The following IDS variants were observed in gnomAD, a reference collection of about 807,000 sequenced individuals.
IDS encodes the protein alpha-L-iduronate sulfate sulfatase.
In IDS, 1 loss-of-function variant was observed where a neutral mutation model predicts 33.5. That is an observed-to-expected ratio of 0.03 (90% confidence interval 0.01 to 0.14). The LOEUF (loss-of-function observed/expected upper bound fraction) is 0.14. Ranked by LOEUF, IDS falls within the 10% of genes least tolerant of loss-of-function variation. IDS has a pLI of 1.00. For missense variants in IDS, 328 were observed against 448.0 expected (o/e 0.73, Z 2.42); for synonymous variants, 191 against 184.4 (o/e 1.04, Z -0.29).
chrX:149,487,347 C>T (rs1557338220), intron 7 of IDS: 2 of 1,053,026 alleles, frequency 1.9e-6, no homozygotes, highest in African/African-American at 1.8e-5. Flanking sequence ...AATTCCCAAA[C>T]TCAAATATCT....
At position 149,480,355 on chromosome X, in the gene IDS, A is replaced by G. The variant is rs1329459759; in HGVS notation, c.*2391T>C. 14 of 295,573 alleles carry G rather than the reference A, an allele frequency of 4.7e-5. No individual in the cohort carries two copies. In the Admixed American group the frequency reaches 8.0e-4, roughly 17 times the overall value. 24.4% of individuals were successfully genotyped at this position (295,573 alleles called of 1,213,427 possible). On this transcript the variant is annotated 3_prime_UTR_variant, in exon 9 of 9. Transcript: ENST00000340855. ...GAGGAAGGGGCTGATTGCCTTTGTG[A>G]CCTCACTACCAAACATACTTTGCTC...
rs1316695847 is a variant in IDS at position 149,482,009 on chromosome X, AT to A, written c.*736del. 1 of 112,565 alleles carries A rather than the reference AT, an allele frequency of 8.9e-6. No homozygotes were observed. The highest frequency in any genetic ancestry group is 2.8e-4 in the East Asian group (1 of 3,614). The allele number at this position is 112,565 out of a possible 1,213,427, so 9.3% of individuals were successfully genotyped here. A position where few individuals can be genotyped will look rare whatever the true frequency, so the allele number is the denominator to read the frequency against. Reference sequence around the variant, plus strand: ...GGGTCATATTATTTGCTAACAAATTATTATTTGGGCCAGAAAGTATCTGAAA... The same window carrying A: ...GGGTCATATTATTTGCTAACAAATTATATTTGGGCCAGAAAGTATCTGAAA... On this transcript the variant is annotated 3_prime_UTR_variant, in exon 9 of 9. Coordinates refer to ENST00000340855, the MANE Select transcript of IDS (RefSeq NM_000202.8).
At position 149,490,389 on chromosome X, in the gene IDS, C is replaced by T; in HGVS notation, c.931G>A (p.Val311Ile). The T allele has an allele frequency of 1.7e-6, 2 of 1,210,159 alleles. No individual in the cohort carries two copies. Among genetic ancestry groups the T allele is most frequent in the Non-Finnish European group, 2.2e-6 (2 of 893,906 alleles). The change falls in exon 7 of 9, where the codon GTC becomes ATC. Residue 311 changes from valine (V) to isoleucine (I), a missense_variant. By Grantham distance (29) the Val-to-Ile change is conservative (BLOSUM62 3). Around this residue, in one of 4 missense-constraint regions of IDS, gnomAD observed 265 missense variants for 339.2 expected, o/e 0.78. Coordinates refer to ENST00000340855, the MANE Select transcript of IDS (RefSeq NM_000202.8). ...FASVSYLDTQ[V>I]GRLLSALDDL... Reference sequence around the variant, plus strand: ...TCCAAAGCACTCAAGAGGCGGCCGACCTGTGTATCCAAATATGACACAGAG... The same window carrying T: ...TCCAAAGCACTCAAGAGGCGGCCGATCTGTGTATCCAAATATGACACAGAG...
intron 1 of IDS, among the ~76,000 whole-genome samples, chrX:149,504,507 A>G (rs2089507727): frequency 9.0e-6 from 1 of 111,690 alleles, no homozygotes; most frequent in South Asian, 3.7e-4. Context: ...CATGGCCTCC[A>G]ACCTGGGTGA....
chrX:149,484,605 C>A (rs901779398), intron 8 of IDS, among the ~76,000 whole-genome samples: 7 of 112,901 alleles, frequency 6.2e-5, no homozygotes, highest in Non-Finnish European at 9.4e-5. Flanking sequence ...CTGGCGTGAG[C>A]CACCACGCCC....
At position 149,486,963 on chromosome X, in the gene IDS, AG is replaced by A. The variant is rs781973617; in HGVS notation, c.1141del (p.Leu381SerfsTer10). ...PEAGEKLFPYLDPFDSASQLM... is the reference protein window; with the variant it reads ...PEAGEKLFPYXDPFDSASQLM... ...CTGTGAGGCGGAATCAAAAGGGTCG[AG>A]GTAAGGGAAAAGCTTCTCGCCTGCC... On this transcript the variant is annotated frameshift_variant, in exon 8 of 9. Transcript: ENST00000340855. LOFTEE classifies it high-confidence loss of function. 8.3e-7 allele frequency: 1 copy of A among 1,211,979 alleles called. No individual in the cohort carries two copies. The highest frequency in any genetic ancestry group is 1.1e-6 in the Non-Finnish European group (1 of 895,541).
chrX:149,487,117 A>G lies in IDS; in HGVS notation c.1007-19T>C. 1.7e-6 allele frequency: 2 copies of G among 1,211,109 alleles called. No individual in the cohort carries two copies. The highest frequency in any genetic ancestry group is 1.8e-5 in the South Asian group (1 of 56,968). On this transcript the variant is annotated intron_variant, in intron 7 of 8. Coordinates refer to ENST00000340855, the MANE Select transcript of IDS (RefSeq NM_000202.8). ...GCCCACCCTAGTTCATAAAAAGCAC[A>G]GAATGACAGAAAATGAATAATCATC... is the stretch of plus-strand genomic sequence containing the variant.
intron 7 of IDS, 165 bp from the exon 8 acceptor site, chrX:149,487,263 C>T (rs782480447): frequency 1.7e-6 from 2 of 1,207,574 alleles, no homozygotes; most frequent in Non-Finnish European, 2.2e-6. Flanking sequence ...AGGGTTATTT[C>T]AACTGAATGC....
In IDS at chrX:149,500,943, C is replaced by A. The variant is rs370769925; in HGVS notation, c.507+6G>T. 76 of 1,125,775 alleles carry A rather than the reference C, an allele frequency of 6.8e-5. No homozygotes were observed. The highest frequency in any genetic ancestry group is 9.0e-5 in the African/African-American group (5 of 55,456). The allele number at this position is 1,125,775 out of a possible 1,213,427, so 92.8% of individuals were successfully genotyped here. A position where few individuals can be genotyped will look rare whatever the true frequency, so the allele number is the denominator to read the frequency against. On this transcript the variant is annotated splice_donor_region_variant and intron_variant, in intron 4 of 8. Transcript: ENST00000340855. ...CTCTTCAGAAATGTCCCTTTCACAG[C>A]CTTACCTTAGTGTTTTCATACTTCT...
intron 6 of IDS, among the ~76,000 whole-genome samples, chrX:149,493,581 G>A (rs926947479): frequency 3.6e-5 from 4 of 111,337 alleles, no homozygotes; most frequent in Non-Finnish European, 7.5e-5. Context: ...TGGATGGAGA[G>A]GCTGCAGGGT....
rs2089513089 is a variant in IDS at position 149,504,973 on chromosome X, G to A, written c.103+62C>T. On this transcript the variant is annotated intron_variant, in intron 1 of 8. Coordinates refer to ENST00000340855, the MANE Select transcript of IDS (RefSeq NM_000202.8). The stretch of plus-strand genomic sequence containing the variant: ...TATAAACAAAGAAGGAAGGAAAGAA[G>A]GAAGGAGGAAGGAAGGGAGGGAGGA... 4.8e-6 allele frequency: 4 copies of A among 830,439 alleles called. No homozygotes were observed. In the South Asian group the frequency reaches 8.5e-5, roughly 18 times the overall value. The allele number at this position is 830,439 out of a possible 1,213,427, so 68.4% of individuals were successfully genotyped here. A position where few individuals can be genotyped will look rare whatever the true frequency, so the allele number is the denominator to read the frequency against.
At chrX:149,491,622 T>C (rs1557338737) in intron 6 of IDS, 2 of 1,003,416 alleles carry the variant, frequency 2.0e-6, no homozygotes, top group African/African-American at 3.9e-5. Context: ...TTATACTTTC[T>C]GGTAGATGAA....
intron 4 of IDS, among the ~76,000 whole-genome samples, chrX:149,499,685 A>C (rs782361019): frequency 9.0e-6 from 1 of 111,147 alleles, no homozygotes; most frequent in Non-Finnish European, 1.9e-5. Context: ...TATACTTCAA[A>C]AGGGAGAGTT....
At chrX:149,498,961 G>C (rs10779253) in intron 4 of IDS, among the ~76,000 whole-genome samples, 21,820 of 111,644 alleles carry the variant, frequency 0.2, 1,676 homozygotes, top group African/African-American at 0.22. Flanking sequence ...AAAATGTCGA[G>C]GGCAGCATTA....
chrX:149,504,904 T>G, intron 1 of IDS, 131 bp downstream of exon 1: 3 of 462,265 alleles, frequency 6.5e-6, no homozygotes, highest in South Asian at 3.9e-5. Flanking sequence ...GAATGATGGA[T>G]GAAAGAAGGA....
At position 149,502,727 on chromosome X, in the gene IDS, C is replaced by G. The variant is rs782686030; in HGVS notation, c.418+585G>C. 8 of 133,017 alleles carry G rather than the reference C, an allele frequency of 6.0e-5. No homozygotes were observed. The South Asian group carries it at 1.7e-3, about 28-fold the overall frequency. The allele number at this position is 133,017 out of a possible 1,213,427, so 11.0% of individuals were successfully genotyped here. ...AGTTTTAAAGTTTGTTTGCTTTTCA[C>G]TATCCCCATATTGGCATTAAAGAGA... On this transcript the variant is annotated intron_variant, in intron 3 of 8. Coordinates refer to ENST00000340855, the MANE Select transcript of IDS (RefSeq NM_000202.8).
chrX:149,486,760 T>C lies in IDS; in HGVS notation c.1180+165A>G, dbSNP rs725679. Among the ~76,000 whole-genome samples the C allele has an allele frequency of 0.53, 58,234 of 110,684 alleles. 11,658 individuals are homozygous for C. The highest frequency in any genetic ancestry group is 0.64 in the African/African-American group (19,295 of 30,299). Reference sequence around the variant, plus strand: ...TTCCCCACCCAGAGTATGGGAGATGTTCAGAAAGCGTGTGCTGACCACAAA... The same window carrying C: ...TTCCCCACCCAGAGTATGGGAGATGCTCAGAAAGCGTGTGCTGACCACAAA... On this transcript the variant is annotated intron_variant, in intron 8 of 8. Coordinates refer to ENST00000340855, the MANE Select transcript of IDS (RefSeq NM_000202.8).
At chrX:149,490,769 A>G (rs1322721948) in intron 6 of IDS, among the ~76,000 whole-genome samples, 3 of 111,130 alleles carry the variant, frequency 2.7e-5, no homozygotes, top group Non-Finnish European at 3.8e-5. Context: ...TCTGGAGGCT[A>G]GAAGTCCAAG....
chrX:149,502,137 T>G lies in IDS; in HGVS notation c.419-1100A>C, dbSNP rs996364083. The G allele has an allele frequency of 1.2e-5, 4 of 331,041 alleles. No individual in the cohort carries two copies. In the Admixed American group the frequency reaches 1.2e-4, roughly 10 times the overall value. The allele number at this position is 331,041 out of a possible 1,213,427, so 27.3% of individuals were successfully genotyped here. A position where few individuals can be genotyped will look rare whatever the true frequency, so the allele number is the denominator to read the frequency against. On this transcript the variant is annotated intron_variant, in intron 3 of 8. Coordinates refer to ENST00000340855, the MANE Select transcript of IDS (RefSeq NM_000202.8). Reference sequence around the variant, plus strand: ...GCCCAATGCTAACAGAAAAAGGTCTTGAGAACAAAGATTCAGCTGAAAAAT... The same window carrying G: ...GCCCAATGCTAACAGAAAAAGGTCTGGAGAACAAAGATTCAGCTGAAAAAT...
Sources: allele counts gnomAD v4.1 joint callset (sites outside exome capture counted in the v4.1 genomes callset), GRCh38; gene constraint gnomAD v4.1.1; regional missense constraint gnomAD v4.1.1; transcripts MANE v1.5; gene names NCBI Gene and HGNC (gene_info 2026-07-23, HGNC 2026-07-21).